SGCD: variants seen among roughly 807,000 people sequenced by gnomAD.
SGCD encodes delta-sarcoglycan.
SGCD carries 18 observed loss-of-function variants against 36.6 expected under a neutral mutation model. That is an observed-to-expected ratio of 0.49 (90% CI 0.34 to 0.73). SGCD has a LOEUF of 0.73. Among genes scored for constraint, SGCD ranks in the 30% least tolerant of loss-of-function variants. The pLI, the probability that SGCD is intolerant of heterozygous loss-of-function variation, is 0.01. For missense variants in SGCD, 387 were observed against 346.7 expected (o/e 1.12, Z -0.92); for synonymous variants, 133 against 130.6 (o/e 1.02, Z -0.12).
At chr5:156,672,692 G>A (rs956021471) in intron 7 of SGCD, among the ~76,000 whole-genome samples, 5 of 152,110 alleles carry the variant, frequency 3.3e-5, no homozygotes, top group Non-Finnish European at 7.3e-5. Flanking sequence ...TATGGGTTTG[G>A]GTCATTTTAG....
intron 3 of SGCD, among the ~76,000 whole-genome samples, chr5:156,489,184 TA>T (rs1755832015): frequency 1.3e-5 from 2 of 152,120 alleles, no homozygotes. Flanking sequence ...ATAATAATTC[TA>T]AATATACAAG....
In SGCD at chr5:156,605,209, C is replaced by A. The variant is rs180861039; in HGVS notation, c.502+10158C>A. Among the ~76,000 whole-genome samples the A allele has an allele frequency of 5.4e-4, 82 of 152,198 alleles. 1 individual carries two copies. The highest frequency in any genetic ancestry group is 9.8e-4 in the Admixed American group (15 of 15,290). On this transcript the variant is annotated intron_variant, in intron 6 of 8. Coordinates refer to ENST00000337851, the MANE Select transcript of SGCD (RefSeq NM_000337.6). ...ATGCTATCCCTCCCCTCTCCCCCCA[C>A]CCAACAACAGGCCTCGGTGTGTGAT...
intron 1 of SGCD, among the ~76,000 whole-genome samples, chr5:155,967,253 G>A (rs1757920839): frequency 6.6e-6 from 1 of 151,914 alleles, no homozygotes. Flanking sequence ...TCTATTTAAG[G>A]TCCACTCATC....
At chr5:155,734,802 A>G in the SGCD span, among the ~76,000 whole-genome samples, 1 of 152,286 alleles carries the variant, frequency 6.6e-6, no homozygotes, top group South Asian at 2.1e-4. Flanking sequence ...CCCTGCTGCA[A>G]TTGCTTGGCT....
rs556255179 is a variant in SGCD at position 155,975,216 on chromosome 5, C to T, written c.-282+104792C>T. Among the ~76,000 whole-genome samples, 88 of 152,334 alleles carry T rather than the reference C, an allele frequency of 5.8e-4. No individual in the cohort carries two copies. The South Asian group carries it at 6.2e-3, about 11-fold the overall frequency. On this transcript the variant is annotated intron_variant, in intron 1 of 9. Transcript: ENST00000517913. Reference sequence around the variant, plus strand: ...TCACCGTTATCACAATCTGCACCATCATCACCATCACACATGTGCATTTAT... The same window carrying T: ...TCACCGTTATCACAATCTGCACCATTATCACCATCACACATGTGCATTTAT...
chr5:156,036,079 C>T (rs530083158), intron 1 of SGCD, among the ~76,000 whole-genome samples: 1 of 152,094 alleles, frequency 6.6e-6, no homozygotes, highest in East Asian at 1.9e-4. Context: ...TCAGATAGAC[C>T]AGGGCTTAGG....
chr5:155,970,924 A>G (rs1757995701), intron 1 of SGCD, among the ~76,000 whole-genome samples: 1 of 152,154 alleles, frequency 6.6e-6, no homozygotes, highest in Non-Finnish European at 1.5e-5. Context: ...TAGGCAATTC[A>G]GTGACGTCCA....
chr5:156,040,986 G>A (rs1759618985), intron 1 of SGCD, among the ~76,000 whole-genome samples: 1 of 152,058 alleles, frequency 6.6e-6, no homozygotes, highest in South Asian at 2.1e-4. Context: ...AAACTTCTTG[G>A]GATTTTTCTG....
the SGCD span, among the ~76,000 whole-genome samples, chr5:155,782,725 C>T: frequency 2.0e-5 from 3 of 152,216 alleles, no homozygotes; most frequent in East Asian, 1.9e-4. Context: ...GTCAGATCAG[C>T]GGTGGCATTA....
intron 1 of SGCD, among the ~76,000 whole-genome samples, chr5:156,015,295 A>G (rs1242169536): frequency 6.6e-6 from 1 of 152,058 alleles, no homozygotes; most frequent in Non-Finnish European, 1.5e-5. Context: ...TACCTTAGTG[A>G]TCTGAATTAT....
At chr5:155,747,139 T>C in the SGCD span, among the ~76,000 whole-genome samples, 1 of 152,204 alleles carries the variant, frequency 6.6e-6, no homozygotes, top group African/African-American at 2.4e-5. Flanking sequence ...ATAAAAACAA[T>C]ACTACTTTTC....
intron 1 of SGCD, among the ~76,000 whole-genome samples, chr5:155,939,181 A>T (rs1757274788): frequency 6.6e-6 from 1 of 152,236 alleles, no homozygotes; most frequent in Non-Finnish European, 1.5e-5. Context: ...GTATTCTTGA[A>T]AATTGCTAAG....
intron 3 of SGCD, among the ~76,000 whole-genome samples, chr5:156,480,307 G>A (rs1755367625): frequency 6.6e-6 from 1 of 152,210 alleles, no homozygotes; most frequent in African/African-American, 2.4e-5. Flanking sequence ...AGTTCCCTCA[G>A]TTGTATTGCT....
At chr5:155,890,171 A>T (rs1756091324) in intron 1 of SGCD, among the ~76,000 whole-genome samples, 1 of 152,244 alleles carries the variant, frequency 6.6e-6, no homozygotes, top group South Asian at 2.1e-4. Context: ...TAAAAGTACC[A>T]GAGAACAACC....
intron 7 of SGCD, among the ~76,000 whole-genome samples, chr5:156,676,920 A>T (rs1159839349): frequency 6.6e-6 from 1 of 152,186 alleles, no homozygotes; most frequent in Non-Finnish European, 1.5e-5. Flanking sequence ...GCCCTCATGG[A>T]GTCTGTGTTC....
rs1235360653 is a variant in SGCD, at chr5:156,086,725, G to A, written c.-281-31153G>A. Among the ~76,000 whole-genome samples, 4 of 152,254 alleles carry A rather than the reference G, an allele frequency of 2.6e-5. No homozygotes were observed. The East Asian group carries it at 7.7e-4, about 29-fold the overall frequency. ...GCATTCAATTAGATAAGGGAAACAT[G>A]GTGCAAGGGGGTACCTGGTGGAAGG... On this transcript the variant is annotated intron_variant, in intron 1 of 9. Coordinates refer to the SGCD transcript ENST00000517913.
intron 4 of SGCD, 39 bp downstream of exon 4, chr5:156,508,741 C>CCAGATT: frequency 8.2e-7 from 1 of 1,213,376 alleles, no homozygotes; most frequent in Non-Finnish European, 1.2e-6. Flanking sequence ...TATTGTTGCT[C>CCAGATT]TAGAATCTAA....
chr5:156,694,152 A>G (rs1415671759), intron 7 of SGCD, among the ~76,000 whole-genome samples: 4 of 152,174 alleles, frequency 2.6e-5, no homozygotes, highest in East Asian at 1.9e-4. Context: ...TAAGGCTGCA[A>G]TACATTGTCT....
chr5:156,243,981 T>TC (rs2127657542), intron 3 of SGCD, among the ~76,000 whole-genome samples: 1 of 152,206 alleles, frequency 6.6e-6, no homozygotes, highest in African/African-American at 2.4e-5. Flanking sequence ...TCACGGTACC[T>TC]CTCCCTAAAC....
Sources: gnomAD v4.1 joint callset for allele counts (sites outside exome capture counted in the v4.1 genomes callset) on GRCh38, gnomAD v4.1.1 for gene constraint, MANE v1.5 for transcripts, NCBI Gene and HGNC (gene_info 2026-07-23, HGNC 2026-07-21) for gene names.